The following CAMKK2 variants were observed in gnomAD, a reference collection of about 807,000 sequenced individuals.
CAMKK2 encodes calcium/calmodulin-dependent protein kinase kinase 2.
CAMKK2 carries 30 observed loss-of-function variants against 67.2 expected under a neutral mutation model. The ratio of observed to expected loss-of-function variants is 0.45; its 90% confidence interval spans 0.33 to 0.61. The LOEUF (loss-of-function observed/expected upper bound fraction) is 0.61. Among genes scored for constraint, CAMKK2 ranks in the 20% least tolerant of loss-of-function variants. CAMKK2 has a pLI of 0.02. For synonymous variants in CAMKK2, 322 were observed against 326.2 expected, an observed-to-expected ratio of 0.99 and a Z score of 0.14; for missense variants, 643 against 802.0, an observed-to-expected ratio of 0.80 and a Z score of 2.39.
chr12:121,242,811 C>T (rs1888632711), intron 16 of CAMKK2, among the ~76,000 whole-genome samples: 2 of 152,064 alleles, frequency 1.3e-5, no homozygotes, highest in South Asian at 2.1e-4. Flanking sequence ...GGCGCAATCT[C>T]GGCTCACTGC....
chr12:121,237,896 TCA>T lies in CAMKK2; in HGVS notation c.*2801_*2802del, dbSNP rs1442201873. 2 of 152,626 alleles carry T rather than the reference TCA, an allele frequency of 1.3e-5. No individual in the cohort carries two copies. Among genetic ancestry groups the T allele is most frequent in the Non-Finnish European group, 1.5e-5 (1 of 68,032 alleles). 9.5% of individuals were successfully genotyped at this position (152,626 alleles called of 1,614,324 possible). On this transcript the variant is annotated 3_prime_UTR_variant, in exon 17 of 17. Transcript: ENST00000404169. The surrounding 1 kb of genome is among the most constrained non-coding windows in gnomAD (Gnocchi z 4.5). ...ACAGAAGCATCGGGCATTGAATCGA[TCA>T]CAGAGTAGAAAAATCTGCAGTCCCC...
At chr12:121,263,977 G>C in intron 5 of CAMKK2, 38 bp from the exon 6 acceptor site, 1 of 1,527,246 alleles carries the variant, frequency 6.5e-7, no homozygotes, top group South Asian at 1.2e-5. Context: ...TCAGGGCAAA[G>C]AGACTTTCCT....
chr12:121,297,455 C>T, upstream of CAMKK2: 1 of 389,052 alleles, frequency 2.6e-6, no homozygotes, highest in South Asian at 1.8e-5. Context: ...CATTGAAGTT[C>T]ATTCTGGCTT....
intron 1 of CAMKK2, among the ~76,000 whole-genome samples, chr12:121,283,493 G>A (rs1053634281): frequency 3.2e-4 from 49 of 152,080 alleles, no homozygotes; most frequent in African/African-American, 1.0e-3. Context: ...TGTGACATCT[G>A]GCCACCGATA....
At position 121,254,691 on chromosome 12, in the gene CAMKK2, CTAAA is replaced by C. The variant is rs1566056557; in HGVS notation, c.907+855_907+858del. ...CAGTGCCTGGTGCACATAGAAAGTG[CTAAA>C]TAGTCACTATTGCTACTGCTCTTCA... On this transcript the variant is annotated intron_variant, in intron 9 of 16. Transcript: ENST00000404169. Among the ~76,000 whole-genome samples, 5 of 152,140 alleles carry C rather than the reference CTAAA, an allele frequency of 3.3e-5. No homozygotes were observed. In the South Asian group the frequency reaches 1.0e-3, roughly 31 times the overall value.
At chr12:121,271,529 A>G (rs1850277175) in intron 2 of CAMKK2, among the ~76,000 whole-genome samples, 1 of 152,230 alleles carries the variant, frequency 6.6e-6, no homozygotes. Flanking sequence ...TACTTTTAAA[A>G]AGTAAATTTT....
At chr12:121,250,462 G>A (rs181257680) in intron 11 of CAMKK2, among the ~76,000 whole-genome samples, 13 of 152,314 alleles carry the variant, frequency 8.5e-5, no homozygotes, top group Admixed American at 3.9e-4. Flanking sequence ...CCTGCCCTGA[G>A]GTTTTCATTC....
In CAMKK2 at chr12:121,269,563, T is replaced by G. The variant is rs1566095148; in HGVS notation, c.538A>C (p.Lys180Gln). 6.2e-7 allele frequency: 1 copy of G among 1,608,060 alleles called. No individual in the cohort carries two copies. The highest frequency in any genetic ancestry group is 1.1e-5 in the South Asian group (1 of 89,894). Reference sequence around the variant, plus strand: ...TTGTCATTTTCATTGTAGGCCAACTTGACGACACCATAGGAGCCCTGGATA... The same window carrying G: ...TTGTCATTTTCATTGTAGGCCAACTGGACGACACCATAGGAGCCCTGGATA... The part of the protein sequence containing the change: ...EIGKGSYGVV[K>Q]LAYNENDNTY... Residue 180 changes from lysine to glutamine, a missense_variant, in exon 4 of 17, where the codon AAG becomes CAG. Physicochemically the swap from Lys to Gln is moderately conservative, Grantham distance 53 (BLOSUM62 1). Transcript: ENST00000404169.
chr12:121,258,521 A>G (rs1892804946), intron 7 of CAMKK2, among the ~76,000 whole-genome samples: 1 of 152,096 alleles, frequency 6.6e-6, no homozygotes, highest in Non-Finnish European at 1.5e-5. Flanking sequence ...TTTGCATGTC[A>G]GGCCTGTAGC....
At chr12:121,262,038 G>A (rs1440169347) in intron 6 of CAMKK2, among the ~76,000 whole-genome samples, 1 of 152,166 alleles carries the variant, frequency 6.6e-6, no homozygotes, top group African/African-American at 2.4e-5. Flanking sequence ...TTGCCTTTTT[G>A]ACTATCATTC....
chr12:121,240,319 T>G lies in CAMKK2; in HGVS notation c.*380A>C. On this transcript the variant is annotated 3_prime_UTR_variant, in exon 17 of 17. Transcript: ENST00000404169. The surrounding 1 kb of genome is among the most constrained non-coding windows in gnomAD (Gnocchi z 4.4). Reference sequence around the variant, plus strand: ...ATGGCCTCAGACCGCCGGAGTTTTCTGCTCGCCTTTCCACAGTTGTCAAAC... The same window carrying G: ...ATGGCCTCAGACCGCCGGAGTTTTCGGCTCGCCTTTCCACAGTTGTCAAAC... 1 of 991,240 alleles carries G rather than the reference T, an allele frequency of 1.0e-6. No individual in the cohort carries two copies. Among genetic ancestry groups the G allele is most frequent in the Non-Finnish European group, 1.5e-6 (1 of 689,136 alleles). The allele number at this position is 991,240 out of a possible 1,614,324, so 61.4% of individuals were successfully genotyped here.
intron 14 of CAMKK2, among the ~76,000 whole-genome samples, chr12:121,246,078 G>C (rs983378476): frequency 2.0e-5 from 3 of 152,178 alleles, no homozygotes; most frequent in African/African-American, 7.2e-5. Context: ...GTGGGTGCCA[G>C]GGCTGGGGGG....
At chr12:121,286,371 GGGAGA>G (rs1179015240) in intron 1 of CAMKK2, among the ~76,000 whole-genome samples, 1 of 152,248 alleles carries the variant, frequency 6.6e-6, no homozygotes, top group Non-Finnish European at 1.5e-5. Flanking sequence ...CTGATGAACA[GGGAGA>G]GGAGAAGAAA....
intron 1 of CAMKK2, among the ~76,000 whole-genome samples, chr12:121,286,226 T>C (rs1199087397): frequency 6.6e-6 from 1 of 152,208 alleles, no homozygotes; most frequent in African/African-American, 2.4e-5. Context: ...AGGGCTCTCA[T>C]CCAGGCCAAA....
intron 1 of CAMKK2, among the ~76,000 whole-genome samples, chr12:121,281,644 A>G (rs192862515): frequency 3.5e-4 from 53 of 152,366 alleles, no homozygotes; most frequent in Admixed American, 5.9e-4. Context: ...AGGGGGACCA[A>G]CATTTAAAAG....
At chr12:121,272,933 A>G (rs1036828658) in intron 2 of CAMKK2, among the ~76,000 whole-genome samples, 3 of 152,024 alleles carry the variant, frequency 2.0e-5, no homozygotes, top group African/African-American at 7.2e-5. Context: ...TCTTCTTCCA[A>G]TTAAATTCAT....
chr12:121,241,001 C>T, intron 16 of CAMKK2, 132 bp from the exon 17 acceptor site: 2 of 850,040 alleles, frequency 2.4e-6, no homozygotes, highest in Non-Finnish European at 3.7e-6. Context: ...ATCTACGTAA[C>T]CCAGTCTTTG....
In CAMKK2 at chr12:121,240,399, A is replaced by AT; in HGVS notation, c.*299dup. On this transcript the variant is annotated 3_prime_UTR_variant, in exon 17 of 17. Transcript: ENST00000404169. This position sits in a 1 kb window ranked among gnomAD's most constrained non-coding sequence, Gnocchi z 4.4. ...GTGGTTCTGAAAATCACAATGAAGG[A>AT]TTTTTGGCATAAAAACGTTTTAAAA... is the stretch of plus-strand genomic sequence containing the variant. 6.7e-7 allele frequency: 1 copy of AT among 1,495,686 alleles called. No homozygotes were observed. Among genetic ancestry groups the AT allele is most frequent in the South Asian group, 1.2e-5 (1 of 81,242 alleles). 92.7% of individuals were successfully genotyped at this position (1,495,686 alleles called of 1,614,324 possible). A position where few individuals can be genotyped will look rare whatever the true frequency, so the allele number is the denominator to read the frequency against.
At chr12:121,261,381 A>T (rs10160864) in intron 6 of CAMKK2, among the ~76,000 whole-genome samples, 3,205 of 152,178 alleles carry the variant, frequency 0.021, 102 homozygotes, top group African/African-American at 0.073. Context: ...CAGTGAGTCG[A>T]GATTGTGTCA....
Sources: gnomAD v4.1 joint callset for allele counts (sites outside exome capture counted in the v4.1 genomes callset) on GRCh38, gnomAD v4.1.1 for gene constraint, Gnocchi (gnomAD v3.1) non-coding constraint, MANE v1.5 for transcripts, NCBI Gene and HGNC (gene_info 2026-07-23, HGNC 2026-07-21) for gene names.